Variants in FYN observed in about 807,000 individuals in gnomAD.
FYN encodes the protein FYN proto-oncogene, Src family tyrosine kinase.
FYN carries 10 observed loss-of-function variants against 70.2 expected under a neutral mutation model. The observed-to-expected ratio is 0.14, with a 90% confidence interval of 0.09 to 0.24. The LOEUF (loss-of-function observed/expected upper bound fraction) is 0.24. Ranked by LOEUF, FYN falls within the 10% of genes least tolerant of loss-of-function variation. The pLI, the probability that FYN is intolerant of heterozygous loss-of-function variation, is 1.00. For missense variants in FYN, 319 were observed against 673.1 expected, an observed-to-expected ratio of 0.47 and a Z score of 5.82; for synonymous variants, 236 against 248.6, an observed-to-expected ratio of 0.95 and a Z score of 0.48.
At chr6:111,853,355 T>TC (rs1186235783) in intron 1 of FYN, among the ~76,000 whole-genome samples, 2 of 131,510 alleles carry the variant, frequency 1.5e-5, no homozygotes, top group African/African-American at 3.8e-5. Context: ...ACCAAGACAC[T>TC]CCTTTTTTTT....
chr6:111,764,416 T>G (rs900078208), intron 3 of FYN, among the ~76,000 whole-genome samples: 2 of 151,992 alleles, frequency 1.3e-5, no homozygotes, highest in East Asian at 1.9e-4. Context: ...CCTTGGGTAT[T>G]TTGTAAAAGC....
At chr6:111,845,757 C>T (rs1773507604) in intron 2 of FYN, among the ~76,000 whole-genome samples, 1 of 152,160 alleles carries the variant, frequency 6.6e-6, no homozygotes, top group Non-Finnish European at 1.5e-5. Context: ...TGTGGTTGGG[C>T]AGAGTAGTGG....
At chr6:111,840,844 T>G (rs1773337486) in intron 2 of FYN, among the ~76,000 whole-genome samples, 1 of 152,180 alleles carries the variant, frequency 6.6e-6, no homozygotes, top group Non-Finnish European at 1.5e-5. Flanking sequence ...AGATAATAAG[T>G]CTATGCAAGG....
At chr6:111,787,658 A>C (rs180796863) in intron 2 of FYN, among the ~76,000 whole-genome samples, 10 of 152,368 alleles carry the variant, frequency 6.6e-5, no homozygotes, top group Admixed American at 6.5e-5. Context: ...TGACTGAATA[A>C]ATTAATGGGT....
intron 1 of FYN, among the ~76,000 whole-genome samples, chr6:111,868,125 C>T (rs1464134437): frequency 2.6e-5 from 4 of 151,854 alleles, no homozygotes; most frequent in African/African-American, 9.7e-5. Flanking sequence ...CCCACTTGCC[C>T]ACCTCTTTTC....
At chr6:111,812,329 G>A (rs1416270368) in intron 2 of FYN, among the ~76,000 whole-genome samples, 3 of 152,118 alleles carry the variant, frequency 2.0e-5, no homozygotes, top group Non-Finnish European at 2.9e-5. Flanking sequence ...GCAAAACCTC[G>A]GGACTCTTTC....
chr6:111,777,899 G>C lies in FYN; in HGVS notation c.-12+2667C>G, dbSNP rs1172672931. Reference sequence around the variant, plus strand: ...TCATTTCAGACAAGGCCTGTAAGAGGATGAGCTGCGCCTGGGCTCTTTCTT... The same window carrying C: ...TCATTTCAGACAAGGCCTGTAAGAGCATGAGCTGCGCCTGGGCTCTTTCTT... On this transcript the variant is annotated intron_variant, in intron 3 of 13. Transcript: ENST00000354650. Among the ~76,000 whole-genome samples the C allele has an allele frequency of 2.0e-5, 3 of 152,186 alleles. No homozygotes were observed. In the East Asian group the frequency reaches 5.8e-4, roughly 29 times the overall value.
intron 13 of FYN, among the ~76,000 whole-genome samples, chr6:111,666,652 T>G (rs7767730): frequency 6.6e-6 from 1 of 152,090 alleles, no homozygotes; most frequent in Non-Finnish European, 1.5e-5. Flanking sequence ...GGGCAACATG[T>G]TAAAACCCTG....
At chr6:111,862,539 A>G (rs1053689248) in intron 1 of FYN, among the ~76,000 whole-genome samples, 2 of 152,160 alleles carry the variant, frequency 1.3e-5, no homozygotes, top group East Asian at 1.9e-4. Context: ...GCCTGTCTAA[A>G]TGAACATTGC....
chr6:111,753,882 TG>T (rs1340976466), intron 3 of FYN, among the ~76,000 whole-genome samples: 1 of 152,142 alleles, frequency 6.6e-6, no homozygotes, highest in African/African-American at 2.4e-5. Flanking sequence ...ATAAACATGT[TG>T]GGTATAGTTG....
chr6:111,734,704 AC>A (rs1562496898), intron 3 of FYN, among the ~76,000 whole-genome samples: 2 of 150,274 alleles, frequency 1.3e-5, no homozygotes, highest in African/African-American at 5.0e-5. Context: ...GACCCCCCCT[AC>A]CCCAAACAAA....
At chr6:111,842,772 AT>A (rs1773403007) in intron 2 of FYN, among the ~76,000 whole-genome samples, 1 of 152,136 alleles carries the variant, frequency 6.6e-6, no homozygotes, top group African/African-American at 2.4e-5. Context: ...TTAGAATTAG[AT>A]TTTCCCCCCA....
chr6:111,694,692 T>C lies in FYN; in HGVS notation c.1055A>G (p.Asp352Gly). ...TCTTCCTTCTCCATCTTTTAAGAAATCCAGTAAACTTCCTATGAACAAAAC... is the reference window on the plus strand; with the variant it reads ...TCTTCCTTCTCCATCTTTTAAGAAACCCAGTAAACTTCCTATGAACAAAAC... ...TEYMNKGSLL[D>G]FLKDGEGRAL... The change falls in exon 11 of 14, where the codon GAT becomes GGT. Residue 352 changes from aspartate to glycine, a missense_variant. By Grantham distance (94) the Asp-to-Gly change is moderately conservative. Around this residue, in one of 4 missense-constraint regions of FYN, gnomAD observed 15 missense variants for 16.0 expected, o/e 0.94. Transcript: ENST00000354650. This position sits in a 1 kb window ranked among gnomAD's most constrained non-coding sequence, Gnocchi z 5.0. 1 of 1,613,064 alleles carries C rather than the reference T, an allele frequency of 6.2e-7. No individual in the cohort carries two copies. The highest frequency in any genetic ancestry group is 8.5e-7 in the Non-Finnish European group (1 of 1,179,268).
intron 12 of FYN, among the ~76,000 whole-genome samples, chr6:111,676,027 T>C (rs1418674147): frequency 1.3e-5 from 2 of 152,054 alleles, no homozygotes; most frequent in African/African-American, 4.8e-5. Context: ...CTGAAAATCA[T>C]ACAAAGGCTG....
intron 5 of FYN, among the ~76,000 whole-genome samples, chr6:111,712,531 C>T (rs984508771): frequency 6.6e-6 from 1 of 152,130 alleles, no homozygotes; most frequent in Non-Finnish European, 1.5e-5. Flanking sequence ...CTCAGGATGC[C>T]TCCCTGCACC....
chr6:111,849,917 G>A (rs763683085), intron 1 of FYN, among the ~76,000 whole-genome samples: 1 of 152,118 alleles, frequency 6.6e-6, no homozygotes, highest in Non-Finnish European at 1.5e-5. Flanking sequence ...AGCCTGTTTC[G>A]TTGTTTCCCC....
intron 3 of FYN, among the ~76,000 whole-genome samples, chr6:111,750,096 ACTTGGCT>A (rs1240192408): frequency 6.6e-6 from 1 of 152,198 alleles, no homozygotes; most frequent in African/African-American, 2.4e-5. Context: ...GCCTTTATGT[ACTTGGCT>A]CCAGATTCCT....
Position 111,701,773 on chromosome 6 carries a change from G to T in FYN, c.697+1112C>A, listed in dbSNP as rs1020606285. ...TTTTGAGTATATCACTTAAGCTCAG[G>T]GAGATATTTTGTTCCATTTCTCCCA... is the stretch of plus-strand genomic sequence containing the variant. On this transcript the variant is annotated intron_variant, in intron 8 of 13. Transcript: ENST00000354650. 2.0e-5 allele frequency among the ~76,000 whole-genome samples: 3 copies of T among 152,190 alleles called. No homozygotes were observed. The East Asian group carries it at 5.8e-4, about 29-fold the overall frequency.
At chr6:111,718,066 G>C (rs1012427774) in intron 4 of FYN, among the ~76,000 whole-genome samples, 6 of 152,208 alleles carry the variant, frequency 3.9e-5, no homozygotes, top group African/African-American at 1.4e-4. Context: ...TCCATGACCA[G>C]ATTCCCTTCT....
Sources: gnomAD v4.1 joint callset for allele counts (sites outside exome capture counted in the v4.1 genomes callset) on GRCh38, gnomAD v4.1.1 for gene constraint, gnomAD v4.1.1 regional missense constraint, Gnocchi (gnomAD v3.1) non-coding constraint, MANE v1.5 for transcripts, NCBI Gene and HGNC (gene_info 2026-07-23, HGNC 2026-07-21) for gene names.